FHIP1A: variants seen among roughly 807,000 people sequenced by gnomAD.
FHIP1A encodes FHF complex subunit HOOK interacting protein 1A, also known as FHF complex subunit HOOK-interacting protein 1A.
In FHIP1A, 61 loss-of-function variants were observed where a neutral mutation model predicts 88.6. The ratio of observed to expected loss-of-function variants is 0.69; its 90% CI spans 0.56 to 0.85. The LOEUF is 0.85. Among genes scored for constraint, FHIP1A ranks in the 40% least tolerant of loss-of-function variants. FHIP1A has a pLI of 0.00. For synonymous variants in FHIP1A, 478 were observed against 496.0 expected, an observed-to-expected ratio of 0.96 and a Z score of 0.48; for missense variants, 1,154 against 1,273.5, an observed-to-expected ratio of 0.91 and a Z score of 1.43.
intron 3 of FHIP1A, among the ~76,000 whole-genome samples, chr4:151,489,039 G>A (rs989117793): frequency 5.9e-5 from 9 of 152,242 alleles, no homozygotes; most frequent in African/African-American, 2.2e-4. Context: ...AACATACCAG[G>A]AAAACTGAAA....
intron 2 of FHIP1A, among the ~76,000 whole-genome samples, chr4:151,465,885 G>A (rs762915461): frequency 6.6e-6 from 1 of 152,080 alleles, no homozygotes; most frequent in Admixed American, 6.5e-5. Flanking sequence ...AAAATAATAA[G>A]AGCTATCTAT....
chr4:151,589,281 G>T (rs1481731694), intron 7 of FHIP1A, among the ~76,000 whole-genome samples: 3 of 152,218 alleles, frequency 2.0e-5, no homozygotes, highest in African/African-American at 4.8e-5. Context: ...AAGGTCTGCT[G>T]TGGGCATGGA....
At chr4:151,659,522 A>G (rs1737374338) in intron 13 of FHIP1A, among the ~76,000 whole-genome samples, 1 of 152,224 alleles carries the variant, frequency 6.6e-6, no homozygotes, top group Admixed American at 6.5e-5. Flanking sequence ...AGATGAACAC[A>G]TAATGTATCT....
intron 2 of FHIP1A, among the ~76,000 whole-genome samples, chr4:151,476,331 TCG>T: frequency 6.6e-6 from 1 of 152,028 alleles, no homozygotes; most frequent in East Asian, 1.9e-4. Flanking sequence ...ATTTTTTTTG[TCG>T]AGACGAAGTC....
At chr4:151,606,578 C>CT (rs1735081847) in intron 7 of FHIP1A, among the ~76,000 whole-genome samples, 1 of 152,146 alleles carries the variant, frequency 6.6e-6, no homozygotes, top group African/African-American at 2.4e-5. Flanking sequence ...CAGAGGAATA[C>CT]TTTTTTTGAT....
chr4:151,651,147 A>G (rs114161552), intron 11 of FHIP1A, among the ~76,000 whole-genome samples: 1,939 of 152,304 alleles, frequency 0.013, 40 homozygotes, highest in African/African-American at 0.044. Context: ...AGAGAATCAC[A>G]AAATCTTTAT....
intron 13 of FHIP1A, among the ~76,000 whole-genome samples, chr4:151,660,822 T>A (rs1217356255): frequency 6.6e-6 from 1 of 152,208 alleles, no homozygotes; most frequent in Non-Finnish European, 1.5e-5. Context: ...CTGATGAGGA[T>A]GATGTGGTAG....
chr4:151,446,039 C>G (rs1294750360), intron 1 of FHIP1A, among the ~76,000 whole-genome samples: 1 of 151,520 alleles, frequency 6.6e-6, no homozygotes, highest in East Asian at 1.9e-4. Context: ...ATTGCTGCTT[C>G]CTAGAGTATA....
intron 2 of FHIP1A, among the ~76,000 whole-genome samples, chr4:151,465,112 T>G (rs1729263329): frequency 6.6e-6 from 1 of 152,126 alleles, no homozygotes; most frequent in Non-Finnish European, 1.5e-5. Flanking sequence ...AGAGGATCCC[T>G]TGAGCCCAGA....
intron 7 of FHIP1A, among the ~76,000 whole-genome samples, chr4:151,607,016 A>C (rs1002071106): frequency 3.9e-5 from 6 of 152,180 alleles, no homozygotes; most frequent in Admixed American, 6.5e-5. Flanking sequence ...ATTTAGAGCC[A>C]CCCAGCAGTT....
At chr4:151,593,740 A>G (rs763115128) in intron 7 of FHIP1A, among the ~76,000 whole-genome samples, 13 of 152,300 alleles carry the variant, frequency 8.5e-5, no homozygotes, top group Non-Finnish European at 1.8e-4. Flanking sequence ...TTCCTGTTTG[A>G]ATACCCTTTA....
intron 7 of FHIP1A, among the ~76,000 whole-genome samples, chr4:151,605,939 G>C (rs760469138): frequency 3.3e-5 from 5 of 152,108 alleles, no homozygotes; most frequent in Non-Finnish European, 5.9e-5. Flanking sequence ...GGCATATTTT[G>C]GACTTTTATG....
chr4:151,656,861 G>A lies in FHIP1A; in HGVS notation c.2832G>A (p.Val944=). 1 of 1,551,612 alleles carries A rather than the reference G, an allele frequency of 6.4e-7. No individual in the cohort carries two copies. Among genetic ancestry groups the A allele is most frequent in the Non-Finnish European group, 8.7e-7 (1 of 1,146,952 alleles). ...CTCAGCAGTACCTGCTCTTCCGTGTGGACATGTCTGATATGACCCCTGCAG... is the reference window on the plus strand; with the variant it reads ...CTCAGCAGTACCTGCTCTTCCGTGTAGACATGTCTGATATGACCCCTGCAG... ...IQAQQYLLFR[V]DMSDMTPAAL... Residue 944 remains valine (V), a synonymous_variant, in exon 13 of 14, where the codon GTG becomes GTA. Transcript: ENST00000435205. The surrounding 1 kb of genome is among the most constrained non-coding windows in gnomAD (Gnocchi z 4.2).
At chr4:151,507,620 G>T (rs1487082868) in intron 3 of FHIP1A, among the ~76,000 whole-genome samples, 2 of 152,132 alleles carry the variant, frequency 1.3e-5, no homozygotes, top group African/African-American at 4.8e-5. Flanking sequence ...GATGCATATT[G>T]TATGTTATAG....
At chr4:151,619,062 A>G (rs1169266996) in intron 7 of FHIP1A, among the ~76,000 whole-genome samples, 2 of 152,170 alleles carry the variant, frequency 1.3e-5, no homozygotes, top group African/African-American at 4.8e-5. Context: ...CCAGAGTGGA[A>G]CAGGAAGCGG....
chr4:151,611,563 G>A (rs1449782622), intron 7 of FHIP1A, among the ~76,000 whole-genome samples: 1 of 152,112 alleles, frequency 6.6e-6, no homozygotes, highest in Non-Finnish European at 1.5e-5. Context: ...TCATTGCTAT[G>A]GTTATTTATC....
intron 7 of FHIP1A, among the ~76,000 whole-genome samples, chr4:151,612,110 C>T (rs1735344147): frequency 6.6e-6 from 1 of 152,144 alleles, no homozygotes; most frequent in African/African-American, 2.4e-5. Flanking sequence ...TGCTTATGCT[C>T]ACATCATGTC....
chr4:151,620,961 GAGGGA>G (rs533307002), intron 7 of FHIP1A, among the ~76,000 whole-genome samples: 3 of 151,644 alleles, frequency 2.0e-5, no homozygotes, highest in Admixed American at 2.0e-4. Flanking sequence ...GCAGAGAGTG[GAGGGA>G]AGATCTGGTC....
chr4:151,538,668 G>A (rs2126723694), intron 3 of FHIP1A, among the ~76,000 whole-genome samples: 1 of 152,318 alleles, frequency 6.6e-6, no homozygotes, highest in South Asian at 2.1e-4. Context: ...GAACACTTCT[G>A]GTGTTGCCAG....
Sources: allele counts gnomAD v4.1 joint callset (sites outside exome capture counted in the v4.1 genomes callset), GRCh38; gene constraint gnomAD v4.1.1; non-coding constraint Gnocchi (gnomAD v3.1); transcripts MANE v1.5; gene names NCBI Gene and HGNC (gene_info 2026-07-23, HGNC 2026-07-21).